The following PCBD2 variants were observed in gnomAD, a reference collection of about 807,000 sequenced individuals.
PCBD2 encodes the protein pterin-4-alpha-carbinolamine dehydratase 2.
A neutral mutation model predicts 16.4 loss-of-function variants in PCBD2; 12 were observed. The observed-to-expected ratio is 0.73, with a 90% CI of 0.47 to 1.19. The LOEUF is 1.19. Among genes scored for constraint, PCBD2 ranks in the 50% most tolerant of loss-of-function variants. The probability of loss-of-function intolerance (pLI) is 0.00; values close to 1 mark genes in which losing one functional copy is unlikely to be tolerated. For missense variants in PCBD2, 138 were observed against 156.8 expected, an observed-to-expected ratio of 0.88 and a Z score of 0.64; for synonymous variants, 58 against 61.8, an observed-to-expected ratio of 0.94 and a Z score of 0.29.
intron 2 of PCBD2, among the ~76,000 whole-genome samples, chr5:134,942,056 G>A (rs924830015): frequency 1.6e-4 from 24 of 150,764 alleles, no homozygotes; most frequent in African/African-American, 4.6e-4. Context: ...GCGTGAACCC[G>A]GGAGGCGGAG....
chr5:134,948,243 C>T (rs951726905), intron 2 of PCBD2, among the ~76,000 whole-genome samples: 3 of 152,126 alleles, frequency 2.0e-5, no homozygotes, highest in Non-Finnish European at 2.9e-5. Flanking sequence ...GAAGATATGG[C>T]GAAATGAATT....
At chr5:134,954,138 T>G (rs1458388071) in intron 2 of PCBD2, among the ~76,000 whole-genome samples, 2 of 152,144 alleles carry the variant, frequency 1.3e-5, no homozygotes, top group Non-Finnish European at 2.9e-5. Context: ...TTAAAATTTT[T>G]TTTGTAGAGA....
At chr5:134,922,821 C>G (rs976328440) in intron 2 of PCBD2, among the ~76,000 whole-genome samples, 56 of 152,178 alleles carry the variant, frequency 3.7e-4, no homozygotes, top group African/African-American at 1.3e-3. Flanking sequence ...CGCCACCACG[C>G]CCAGCTAATT....
intron 2 of PCBD2, among the ~76,000 whole-genome samples, chr5:134,944,680 A>T (rs1687400055): frequency 6.6e-6 from 1 of 152,176 alleles, no homozygotes; most frequent in Non-Finnish European, 1.5e-5. Context: ...TTTCTATCTT[A>T]TAAACCCTTG....
chr5:134,918,208 GA>G (rs768361478), intron 2 of PCBD2, among the ~76,000 whole-genome samples: 10 of 152,168 alleles, frequency 6.6e-5, no homozygotes, highest in Non-Finnish European at 1.5e-4. Context: ...ATATAGGTTA[GA>G]AAATGTCATT....
chr5:134,961,880 G>T lies in PCBD2; in HGVS notation c.*1199G>T, dbSNP rs1394767742. On this transcript the variant is annotated 3_prime_UTR_variant, in exon 4 of 4. Transcript: ENST00000254908. ...GGGCTCAAGCAGTTCTCCCTCCTCA[G>T]CCTCCAGAGTAGCTGGGACTATAGG... Among the ~76,000 whole-genome samples the T allele has an allele frequency of 6.6e-6, 1 of 151,920 alleles. No individual in the cohort carries two copies.
At chr5:134,948,802 A>G (rs1345823600) in intron 2 of PCBD2, among the ~76,000 whole-genome samples, 2 of 151,386 alleles carry the variant, frequency 1.3e-5, no homozygotes, top group Non-Finnish European at 2.9e-5. Context: ...TGAGCATGCT[A>G]TCTCACAGGT....
At chr5:134,954,917 T>A (rs1281659959) in intron 2 of PCBD2, among the ~76,000 whole-genome samples, 1 of 151,884 alleles carries the variant, frequency 6.6e-6, no homozygotes, top group East Asian at 1.9e-4. Flanking sequence ...AATTTTTGTA[T>A]TTTTAGTAGA....
intron 2 of PCBD2, chr5:134,924,853 G>T: frequency 2.6e-6 from 1 of 391,478 alleles, no homozygotes; most frequent in East Asian, 3.6e-5. Context: ...ATAAGGGACT[G>T]TGCGGTGTAT....
intron 2 of PCBD2, among the ~76,000 whole-genome samples, chr5:134,913,655 T>G (rs1750795406): frequency 2.0e-5 from 3 of 152,070 alleles, no homozygotes; most frequent in African/African-American, 7.2e-5. Flanking sequence ...GCTGTTCTGC[T>G]CAGAATAGGC....
intron 2 of PCBD2, among the ~76,000 whole-genome samples, chr5:134,932,236 G>A (rs1417963174): frequency 1.3e-5 from 2 of 152,012 alleles, no homozygotes; most frequent in Non-Finnish European, 2.9e-5. Context: ...GGAGTGCAGC[G>A]ACGTGATCGT....
intron 2 of PCBD2, among the ~76,000 whole-genome samples, chr5:134,931,853 G>T (rs1751102719): frequency 6.6e-6 from 1 of 152,196 alleles, no homozygotes; most frequent in Non-Finnish European, 1.5e-5. Flanking sequence ...ATGTTTTGAA[G>T]AAAAAGATTG....
Position 134,960,790 on chromosome 5 carries a change from A to G in PCBD2, c.*109A>G. 1.1e-6 allele frequency: 1 copy of G among 937,462 alleles called. No individual in the cohort carries two copies. Among genetic ancestry groups the G allele is most frequent in the Non-Finnish European group, 1.6e-6 (1 of 616,630 alleles). The allele number at this position is 937,462 out of a possible 1,614,324, so 58.1% of individuals were successfully genotyped here. On this transcript the variant is annotated 3_prime_UTR_variant, in exon 4 of 4. Coordinates refer to ENST00000254908, the MANE Select transcript of PCBD2 (RefSeq NM_032151.5). Reference sequence around the variant, plus strand: ...GTTCTTTTTCTCTTTTTTTTAAGACAGAGTGTTGCTCTGTCGCCCAGGCCA... The same window carrying G: ...GTTCTTTTTCTCTTTTTTTTAAGACGGAGTGTTGCTCTGTCGCCCAGGCCA...
At chr5:134,943,957 G>A (rs1298011989) in intron 2 of PCBD2, among the ~76,000 whole-genome samples, 1 of 152,200 alleles carries the variant, frequency 6.6e-6, no homozygotes, top group Non-Finnish European at 1.5e-5. Flanking sequence ...AGTTTGTGAA[G>A]CAGAGCTGCT....
intron 1 of PCBD2, among the ~76,000 whole-genome samples, chr5:134,906,076 G>A (rs1251345965): frequency 6.6e-6 from 1 of 151,558 alleles, no homozygotes; most frequent in Non-Finnish European, 1.5e-5. Flanking sequence ...TTTTCGCCAT[G>A]TTGGCCAGGC....
At chr5:134,926,760 ATGT>A (rs1751004776) in intron 2 of PCBD2, 1 of 397,684 alleles carries the variant, frequency 2.5e-6, no homozygotes, top group African/African-American at 2.1e-5. Flanking sequence ...TGAGGGTTTT[ATGT>A]TGTTAATGTG....
At chr5:134,934,428 G>T (rs768387275) in intron 2 of PCBD2, among the ~76,000 whole-genome samples, 1 of 152,112 alleles carries the variant, frequency 6.6e-6, no homozygotes, top group African/African-American at 2.4e-5. Context: ...GGTATGCTCC[G>T]TGGTGTCTAA....
At position 134,962,351 on chromosome 5, in the gene PCBD2, C is replaced by T. The variant is rs1751488419; in HGVS notation, c.*1670C>T. On this transcript the variant is annotated 3_prime_UTR_variant, in exon 4 of 4. Coordinates refer to ENST00000254908, the MANE Select transcript of PCBD2 (RefSeq NM_032151.5). ...TCGAGTAATCCTCCTGCCTTGGCCT[C>T]TCAAAATGTTGGGATTACAGGTGTG... Among the ~76,000 whole-genome samples the T allele has an allele frequency of 6.6e-6, 1 of 152,050 alleles. No homozygotes were observed. The highest frequency in any genetic ancestry group is 2.4e-5 in the African/African-American group (1 of 41,382).
intron 2 of PCBD2, among the ~76,000 whole-genome samples, chr5:134,934,892 T>G (rs563691237): frequency 2.6e-5 from 4 of 152,252 alleles, no homozygotes; most frequent in Non-Finnish European, 4.4e-5. Context: ...CTGTCAAGAC[T>G]GTTAAAAAAC....
Sources: gnomAD v4.1 joint callset for allele counts (sites outside exome capture counted in the v4.1 genomes callset) on GRCh38, gnomAD v4.1.1 for gene constraint, MANE v1.5 for transcripts, NCBI Gene and HGNC (gene_info 2026-07-23, HGNC 2026-07-21) for gene names.